Variants in FAM81A observed in about 807,000 individuals in gnomAD.
FAM81A encodes the protein protein FAM81A.
In FAM81A, 19 loss-of-function variants were observed where a neutral mutation model predicts 46.7. The ratio of observed to expected loss-of-function variants is 0.41; its 90% CI spans 0.28 to 0.60. The LOEUF is 0.60. FAM81A is among the 20% of genes least tolerant of loss of function. FAM81A has a pLI of 0.34. For missense variants in FAM81A, 377 were observed against 453.5 expected, an observed-to-expected ratio of 0.83 and a Z score of 1.53; for synonymous variants, 183 against 152.9, an observed-to-expected ratio of 1.20 and a Z score of -1.45.
At chr15:59,401,897 T>G in intron 1 of FAM81A, 1 of 763,450 alleles carries the variant, frequency 1.3e-6, no homozygotes. Context: ...TTGCCTTCTT[T>G]GAACATTCAT....
rs568945497 is a variant in FAM81A, at chr15:59,408,002, G to T, written c.-78+5644G>T. 1.1e-4 allele frequency: 18 copies of T among 164,166 alleles called. No individual in the cohort carries two copies. The East Asian group carries it at 3.2e-3, about 29-fold the overall frequency. The allele number at this position is 164,166 out of a possible 1,614,324, so 10.2% of individuals were successfully genotyped here. ...AGTGGGGCCATTTGACAAAGCAAGT[G>T]AGGTCCCTTTTGGGTTGGGTGTGCT... is the stretch of plus-strand genomic sequence containing the variant. On this transcript the variant is annotated intron_variant, in intron 2 of 4. Transcript: ENST00000558348.
chr15:59,506,897 A>G (rs889003849), intron 4 of FAM81A, among the ~76,000 whole-genome samples: 1 of 152,224 alleles, frequency 6.6e-6, no homozygotes, highest in African/African-American at 2.4e-5. Context: ...CTGAAGAGTG[A>G]CAGACCACAT....
chr15:59,464,162 GGCTGATA>G (rs1288579555), intron 3 of FAM81A, among the ~76,000 whole-genome samples: 14 of 152,000 alleles, frequency 9.2e-5, no homozygotes, highest in Admixed American at 7.9e-4. Flanking sequence ...TCTTTTTTAT[GGCTGATA>G]GTATTCCATT....
At chr15:59,466,630 C>G (rs2081617074) in intron 3 of FAM81A, among the ~76,000 whole-genome samples, 1 of 151,916 alleles carries the variant, frequency 6.6e-6, no homozygotes. Context: ...GGGTAGATTG[C>G]AAAAATTTTC....
chr15:59,473,372 C>G (rs374388893), intron 3 of FAM81A, among the ~76,000 whole-genome samples: 10 of 152,024 alleles, frequency 6.6e-5, no homozygotes, highest in Admixed American at 2.6e-4. Flanking sequence ...GCTACCTGCC[C>G]GTTAGTCACT....
At chr15:59,498,657 T>A in intron 4 of FAM81A, among the ~76,000 whole-genome samples, 1 of 152,126 alleles carries the variant, frequency 6.6e-6, no homozygotes, top group East Asian at 1.9e-4. Flanking sequence ...GTGTGGATTT[T>A]TGTTTTTTCC....
rs145162394 is a variant in FAM81A, at chr15:59,516,381, C to T, written c.787-264C>T. On this transcript the variant is annotated intron_variant, in intron 7 of 8. Transcript: ENST00000288228. ...CTGACCTCAAGTGATCTGCCTGCCT[C>T]GGCCTCCCAAAGTGCTGGAATTACA... Among the ~76,000 whole-genome samples, 800 of 152,206 alleles carry T rather than the reference C, an allele frequency of 5.3e-3. 6 individuals carry two copies. Among genetic ancestry groups the T allele is most frequent in the African/African-American group, 0.018 (758 of 41,526 alleles).
chr15:59,502,836 G>C (rs145171507), intron 4 of FAM81A, among the ~76,000 whole-genome samples: 2 of 152,102 alleles, frequency 1.3e-5, no homozygotes, highest in East Asian at 3.9e-4. Flanking sequence ...TCTAATGGGA[G>C]TCTTTGGTAT....
intron 2 of FAM81A, among the ~76,000 whole-genome samples, chr15:59,459,684 A>G (rs576154547): frequency 9.2e-5 from 14 of 151,572 alleles, no homozygotes; most frequent in Admixed American, 6.6e-5. Flanking sequence ...GGTGTACCCA[A>G]CTCTGCCAGC....
intron 1 of FAM81A, among the ~76,000 whole-genome samples, chr15:59,448,205 C>T (rs559255878): frequency 2.0e-5 from 3 of 152,120 alleles, no homozygotes; most frequent in African/African-American, 4.8e-5. Flanking sequence ...GGCGAAACCC[C>T]GCCTCTACTA....
At chr15:59,420,231 G>C (rs764304618) in intron 2 of FAM81A, among the ~76,000 whole-genome samples, 1 of 152,232 alleles carries the variant, frequency 6.6e-6, no homozygotes, top group Non-Finnish European at 1.5e-5. Context: ...TTCTAGCGCT[G>C]ATTCTGGCAA....
intron 2 of FAM81A, among the ~76,000 whole-genome samples, chr15:59,402,944 A>T (rs2140463841): frequency 6.6e-6 from 1 of 152,220 alleles, no homozygotes; most frequent in African/African-American, 2.4e-5. Context: ...AAAATTTGAG[A>T]TATTATGATT....
intron 3 of FAM81A, among the ~76,000 whole-genome samples, chr15:59,491,542 TG>T (rs2081981677): frequency 6.6e-6 from 1 of 152,194 alleles, no homozygotes; most frequent in South Asian, 2.1e-4. Flanking sequence ...ATAATTTAAT[TG>T]TACATGTAAA....
chr15:59,481,720 T>A (rs549859811), intron 3 of FAM81A, among the ~76,000 whole-genome samples: 31 of 152,144 alleles, frequency 2.0e-4, no homozygotes, highest in African/African-American at 7.2e-4. Flanking sequence ...TTATTTCATT[T>A]AATATTAATT....
At chr15:59,434,176 G>A (rs1467936199), upstream of FAM81A, among the ~76,000 whole-genome samples, 1 of 152,136 alleles carries the variant, frequency 6.6e-6, no homozygotes, top group Non-Finnish European at 1.5e-5. Context: ...TTTTGAAAAG[G>A]AAAATGGATA....
At chr15:59,473,662 T>C (rs1464158121) in intron 3 of FAM81A, among the ~76,000 whole-genome samples, 1 of 152,186 alleles carries the variant, frequency 6.6e-6, no homozygotes, top group Non-Finnish European at 1.5e-5. Context: ...GTCAGTCTAT[T>C]CTGACATTAC....
chr15:59,497,125 A>T (rs760537756), intron 4 of FAM81A, among the ~76,000 whole-genome samples: 1 of 148,292 alleles, frequency 6.7e-6, no homozygotes, highest in Non-Finnish European at 1.5e-5. Context: ...TCTCAAATTT[A>T]AAAAAGAAGA....
intron 2 of FAM81A, among the ~76,000 whole-genome samples, chr15:59,412,434 T>C (rs2081125295): frequency 6.6e-6 from 1 of 152,086 alleles, no homozygotes; most frequent in South Asian, 2.1e-4. Flanking sequence ...TTCCAAAGAA[T>C]AGTGTTACAA....
In FAM81A at chr15:59,522,957, TAAC is replaced by T. The variant is rs2082341880; in HGVS notation, c.*1582_*1584del. 6.6e-6 allele frequency: 1 copy of T among 152,516 alleles called. No homozygotes were observed. The highest frequency in any genetic ancestry group is 1.5e-5 in the Non-Finnish European group (1 of 68,028). 9.4% of individuals were successfully genotyped at this position (152,516 alleles called of 1,614,324 possible). A position where few individuals can be genotyped will look rare whatever the true frequency, so the allele number is the denominator to read the frequency against. ...TCTTATTTTGCCACAAATTTCCACT[TAAC>T]AAATAAAAAAAGGCGAATGCTGTTT... On this transcript the variant is annotated 3_prime_UTR_variant, in exon 9 of 9. Transcript: ENST00000288228.
Sources: gnomAD v4.1 joint callset for allele counts (sites outside exome capture counted in the v4.1 genomes callset) on GRCh38, gnomAD v4.1.1 for gene constraint, MANE v1.5 for transcripts, NCBI Gene and HGNC (gene_info 2026-07-23, HGNC 2026-07-21) for gene names.